CEP120: variants seen among roughly 807,000 people sequenced by gnomAD.
CEP120 encodes the protein centrosomal protein of 120 kDa.
In CEP120, 113 loss-of-function variants were observed where a neutral mutation model predicts 126.5. The ratio of observed to expected loss-of-function variants is 0.89; its 90% CI spans 0.77 to 1.04. CEP120 has a LOEUF of 1.04. Among genes scored for constraint, CEP120 ranks in the 50% least tolerant of loss-of-function variants. The pLI is 0.00. For missense variants in CEP120, 1,230 were observed against 1,155.7 expected, an observed-to-expected ratio of 1.06 and a Z score of -0.93; for synonymous variants, 400 against 394.3, an observed-to-expected ratio of 1.01 and a Z score of -0.17.
chr5:123,354,118 T>G (rs575816371), intron 18 of CEP120, among the ~76,000 whole-genome samples: 2 of 152,268 alleles, frequency 1.3e-5, no homozygotes, highest in South Asian at 4.1e-4. Context: ...TTATGTGCAC[T>G]ATTTTTCAGT....
intron 9 of CEP120, among the ~76,000 whole-genome samples, chr5:123,387,274 A>C (rs1382734374): frequency 6.6e-6 from 1 of 152,198 alleles, no homozygotes; most frequent in East Asian, 1.9e-4. Context: ...AAACACTATT[A>C]GTAAAAACTG....
chr5:123,374,213 AAAC>A (rs577450819), intron 16 of CEP120, among the ~76,000 whole-genome samples: 39 of 151,994 alleles, frequency 2.6e-4, no homozygotes, highest in African/African-American at 4.1e-4. Flanking sequence ...TAATAGGTAA[AAAC>A]AACAACAACA....
In CEP120 at chr5:123,377,585, T is replaced by C; in HGVS notation, c.2197-50A>G. On this transcript the variant is annotated intron_variant, in intron 15 of 19. Coordinates refer to ENST00000306467, the MANE Select transcript of CEP120 (RefSeq NM_001375405.1). ...GGTTGGTTTATTGCTAGCTGCATTA[T>C]ACTATTCGATATTCCAATATCTTTC... 5 of 1,364,188 alleles carry C rather than the reference T, an allele frequency of 3.7e-6. No individual in the cohort carries two copies. The South Asian group carries it at 7.0e-5, about 19-fold the overall frequency. 84.5% of individuals were successfully genotyped at this position (1,364,188 alleles called of 1,614,324 possible).
chr5:123,422,554 C>G lies in CEP120; in HGVS notation c.49+396G>C, dbSNP rs988855395. ...CGTGTAAAGGGAATTGCCTCCGGAA[C>G]ACTTCTGGAATCGCAGGAAGCCTGT... On this transcript the variant is annotated intron_variant, in intron 1 of 19. Transcript: ENST00000306467. 36 of 1,535,290 alleles carry G rather than the reference C, an allele frequency of 2.3e-5. No homozygotes were observed. In the African/African-American group the frequency reaches 4.8e-4, roughly 20 times the overall value.
At chr5:123,400,874 G>C in intron 4 of CEP120, 1 of 1,145,742 alleles carries the variant, frequency 8.7e-7, no homozygotes, top group Non-Finnish European at 1.3e-6. Flanking sequence ...CCCAGGCTCT[G>C]GGGCAGCGCA....
chr5:123,369,682 T>C (rs909577162), intron 17 of CEP120, among the ~76,000 whole-genome samples: 1 of 152,034 alleles, frequency 6.6e-6, no homozygotes, highest in Admixed American at 6.6e-5. Context: ...AAATGTTAGT[T>C]ACCCTCCTCA....
intron 2 of CEP120, 35 bp from the exon 3 acceptor site, chr5:123,416,159 T>G (rs1774378072): frequency 2.3e-6 from 3 of 1,303,754 alleles, no homozygotes; most frequent in East Asian, 2.3e-5. Context: ...AAATGGTTTT[T>G]GCTTAATAAA....
chr5:123,367,616 A>G (rs1222841911), intron 17 of CEP120, among the ~76,000 whole-genome samples: 1 of 151,786 alleles, frequency 6.6e-6, no homozygotes, highest in Non-Finnish European at 1.5e-5. Flanking sequence ...GAACAGGTAA[A>G]TACAATGCAA....
chr5:123,421,035 TAACA>T (rs149911469), intron 1 of CEP120, among the ~76,000 whole-genome samples: 55 of 152,290 alleles, frequency 3.6e-4, no homozygotes, highest in African/African-American at 1.3e-3. Flanking sequence ...GGAAACAACC[TAACA>T]GACATCCTTG....
At chr5:123,391,040 A>G in intron 7 of CEP120, 70 bp downstream of exon 7, 1 of 1,146,800 alleles carries the variant, frequency 8.7e-7, no homozygotes, top group East Asian at 2.4e-5. Flanking sequence ...CTCTTCTGAA[A>G]TTCAACTTTT....
Position 123,415,991 on chromosome 5 carries a change from A to C in CEP120, c.321+19T>G. On this transcript the variant is annotated intron_variant, in intron 3 of 19. Transcript: ENST00000306467. Reference sequence around the variant, plus strand: ...GACTGTCTAACATAATCATTAGCAAAACATCAAAAGGGCAATACCTGCTTT... The same window carrying C: ...GACTGTCTAACATAATCATTAGCAACACATCAAAAGGGCAATACCTGCTTT... The C allele has an allele frequency of 6.7e-7, 1 of 1,499,394 alleles. No homozygotes were observed. The highest frequency in any genetic ancestry group is 9.3e-7 in the Non-Finnish European group (1 of 1,076,992). 92.9% of individuals were successfully genotyped at this position (1,499,394 alleles called of 1,614,324 possible). A position where few individuals can be genotyped will look rare whatever the true frequency, so the allele number is the denominator to read the frequency against.
chr5:123,397,385 C>G (rs1367041097), intron 5 of CEP120, among the ~76,000 whole-genome samples: 1 of 152,102 alleles, frequency 6.6e-6, no homozygotes, highest in Non-Finnish European at 1.5e-5. Context: ...AGTAAAAATA[C>G]AGTACATTCC....
intron 4 of CEP120, among the ~76,000 whole-genome samples, 197 bp from the exon 5 acceptor site, chr5:123,399,481 A>T (rs1273627381): frequency 6.6e-6 from 1 of 152,242 alleles, no homozygotes; most frequent in Non-Finnish European, 1.5e-5. Context: ...TGTATGTAAA[A>T]GTAAAATTCT....
At chr5:123,390,956 C>T in intron 7 of CEP120, 154 bp downstream of exon 7, 1 of 615,366 alleles carries the variant, frequency 1.6e-6, no homozygotes, top group African/African-American at 1.8e-5. Flanking sequence ...GAAGTCACAG[C>T]ACTTTTCAGA....
Position 123,422,592 on chromosome 5 carries a change from G to T in CEP120, c.49+358C>A, listed in dbSNP as rs760054285. ...GCAGGAAGCCTGTATTCAAGTCAAA[G>T]CTCTTACAAGTGCTATTATTGGGAA... On this transcript the variant is annotated intron_variant, in intron 1 of 19. Coordinates refer to ENST00000306467, the MANE Select transcript of CEP120 (RefSeq NM_001375405.1). The T allele has an allele frequency of 6.7e-6, 10 of 1,491,044 alleles. No individual in the cohort carries two copies. The South Asian group carries it at 1.2e-4, about 18-fold the overall frequency. The allele number at this position is 1,491,044 out of a possible 1,614,324, so 92.4% of individuals were successfully genotyped here.
intron 3 of CEP120, among the ~76,000 whole-genome samples, chr5:123,415,547 T>A (rs1774330109): frequency 6.6e-6 from 1 of 152,198 alleles, no homozygotes; most frequent in Admixed American, 6.5e-5. Flanking sequence ...ATGTTGAGAT[T>A]TTCTAAATCT....
At chr5:123,397,734 A>G (rs941080958) in intron 5 of CEP120, among the ~76,000 whole-genome samples, 1 of 152,222 alleles carries the variant, frequency 6.6e-6, no homozygotes, top group African/African-American at 2.4e-5. Flanking sequence ...AATTGTGGCC[A>G]CTAATTGCAA....
At chr5:123,399,017 AT>A in intron 5 of CEP120, 118 bp downstream of exon 5, 1 of 651,878 alleles carries the variant, frequency 1.5e-6, no homozygotes, top group African/African-American at 2.1e-5. Flanking sequence ...TTTTGAACTC[AT>A]TTTTCAAAAG....
In CEP120 at chr5:123,382,126, T is replaced by G. The variant is rs761862745; in HGVS notation, c.2088A>C (p.Ser696=). ...EWKKRDRERE[S]LVKKKVAEYT... is the part of the protein sequence containing the mutation. ...AAGTTATTACCTTTTTCTTTACTAG[T>G]GATTCTCTTTCTCGGTCCCTTTTCT... Residue 696 remains serine, a synonymous_variant, in exon 14 of 20, where the codon TCA becomes TCC. Coordinates refer to ENST00000306467, the MANE Select transcript of CEP120 (RefSeq NM_001375405.1). 5 of 1,603,250 alleles carry G rather than the reference T, an allele frequency of 3.1e-6. No individual in the cohort carries two copies. Among genetic ancestry groups the G allele is most frequent in the Admixed American group, 1.7e-5 (1 of 59,454 alleles).
Sources: allele counts gnomAD v4.1 joint callset (sites outside exome capture counted in the v4.1 genomes callset), GRCh38; gene constraint gnomAD v4.1.1; transcripts MANE v1.5; gene names NCBI Gene and HGNC (gene_info 2026-07-23, HGNC 2026-07-21).